RERG: variants seen among roughly 807,000 people sequenced by gnomAD.
RERG encodes ras-related and estrogen-regulated growth inhibitor.
Under a neutral mutation model 23.2 loss-of-function variants are expected in RERG, and 25 were observed. The observed-to-expected ratio is 1.08, with a 90% CI of 0.79 to 1.50. RERG has a LOEUF of 1.50. Among genes scored for constraint, RERG ranks in the 40% most tolerant of loss-of-function variants. The probability of loss-of-function intolerance (pLI) is 0.00; values close to 1 mark genes in which losing one functional copy is unlikely to be tolerated. For missense variants in RERG, 253 were observed against 250.1 expected (o/e 1.01, Z -0.08); for synonymous variants, 81 against 89.1 (o/e 0.91, Z 0.51).
intron 2 of RERG, among the ~76,000 whole-genome samples, chr12:15,201,261 T>C (rs1426095030): frequency 6.6e-6 from 1 of 151,814 alleles, no homozygotes; most frequent in Non-Finnish European, 1.5e-5. Flanking sequence ...TTGTCGAGTG[T>C]CTACAATGTA....
intron 2 of RERG, among the ~76,000 whole-genome samples, chr12:15,200,834 A>G (rs1315679249): frequency 6.6e-6 from 1 of 151,946 alleles, no homozygotes; most frequent in African/African-American, 2.4e-5. Context: ...TTCTGGGGCT[A>G]TGCCAGGTCA....
At position 15,194,509 on chromosome 12, in the gene RERG, T is replaced by TAA. The variant is rs11450804; in HGVS notation, c.61+22918_61+22919dup. ...AGAGGAAGAAGGAGCCCGATCTCCCTAAAAAAAAAAAGCTTGGTGTTCAAT... is the reference window on the plus strand; with the variant it reads ...AGAGGAAGAAGGAGCCCGATCTCCCTAAAAAAAAAAAAAGCTTGGTGTTCAAT... On this transcript the variant is annotated intron_variant, in intron 2 of 4. Coordinates refer to ENST00000256953, the MANE Select transcript of RERG (RefSeq NM_032918.3). 2.4e-3 allele frequency among the ~76,000 whole-genome samples: 358 copies of TAA among 146,732 alleles called. 1 individual carries two copies. The highest frequency in any genetic ancestry group is 5.5e-3 in the African/African-American group (221 of 40,158).
intron 2 of RERG, among the ~76,000 whole-genome samples, chr12:15,200,418 C>T (rs1227765794): frequency 1.3e-5 from 2 of 152,030 alleles, no homozygotes; most frequent in East Asian, 3.8e-4. Context: ...AGAATGAAAA[C>T]ATAGCAACCA....
intron 2 of RERG, among the ~76,000 whole-genome samples, chr12:15,153,299 C>T (rs747777653): frequency 1.3e-5 from 2 of 152,122 alleles, no homozygotes; most frequent in African/African-American, 2.4e-5. Flanking sequence ...TTTTAGAGAA[C>T]ACAGCTAACC....
chr12:15,212,443 T>C (rs1865381482), intron 2 of RERG, among the ~76,000 whole-genome samples: 1 of 152,184 alleles, frequency 6.6e-6, no homozygotes, highest in African/African-American at 2.4e-5. Context: ...TAAGCAAACA[T>C]AGATATATTA....
At chr12:15,162,282 C>T (rs958195872) in intron 2 of RERG, among the ~76,000 whole-genome samples, 1 of 152,102 alleles carries the variant, frequency 6.6e-6, no homozygotes, top group Non-Finnish European at 1.5e-5. Context: ...CCAAGGACTG[C>T]CTCCAGGAGA....
intron 2 of RERG, chr12:15,217,228 C>T: frequency 1.9e-6 from 1 of 539,348 alleles, no homozygotes. Context: ...AGCAAAGCTA[C>T]TTCAGCATAA....
At chr12:15,181,096 T>A (rs944993989) in intron 2 of RERG, among the ~76,000 whole-genome samples, 1 of 152,170 alleles carries the variant, frequency 6.6e-6, no homozygotes, top group African/African-American at 2.4e-5. Flanking sequence ...ACTCTGTTTT[T>A]GGTTCACCTT....
Position 15,217,461 on chromosome 12 carries a change from G to T in RERG, c.29C>A (p.Ala10Glu), listed in dbSNP as rs1187831698. 1.9e-6 allele frequency: 3 copies of T among 1,613,374 alleles called. No individual in the cohort carries two copies. The highest frequency in any genetic ancestry group is 2.5e-6 in the Non-Finnish European group (3 of 1,179,528). The change falls in exon 2 of 5, where the codon GCA (alanine) becomes GAA (glutamate). Residue 10 changes from alanine (A) to glutamate (E), a missense_variant. By Grantham distance (107) the Ala-to-Glu change is moderately radical. Transcript: ENST00000256953. MAKSAEVKL[A>E]IFGRAGVGKS... ...GCCCACGCCTGCTCTCCCAAATATT[G>T]CCAGTTTGACCTCCGCACTTTTAGC...
chr12:15,209,175 G>A (rs918538285), intron 2 of RERG, among the ~76,000 whole-genome samples: 16 of 152,162 alleles, frequency 1.1e-4, no homozygotes, highest in Non-Finnish European at 2.9e-5. Context: ...CAAATGTTAA[G>A]GAACATAAGG....
chr12:15,119,970 G>A (rs1863801860), intron 3 of RERG, among the ~76,000 whole-genome samples: 3 of 152,162 alleles, frequency 2.0e-5, no homozygotes, highest in East Asian at 3.9e-4. Flanking sequence ...TACAATTAAC[G>A]AAAAAGTGTG....
chr12:15,210,532 G>A (rs1428818004), intron 2 of RERG, among the ~76,000 whole-genome samples: 1 of 152,054 alleles, frequency 6.6e-6, no homozygotes, highest in Non-Finnish European at 1.5e-5. Flanking sequence ...AACCTGCAAA[G>A]TACTTAGCCA....
chr12:15,111,486 C>A, intron 3 of RERG, 69 bp from the exon 4 acceptor site: 1 of 1,250,044 alleles, frequency 8.0e-7, no homozygotes, highest in South Asian at 1.2e-5. Context: ...ATCCTTAAAA[C>A]TGAAAATGGG....
intron 2 of RERG, among the ~76,000 whole-genome samples, chr12:15,194,177 G>C (rs541222362): frequency 4.0e-4 from 61 of 152,108 alleles, no homozygotes; most frequent in Non-Finnish European, 7.5e-4. Flanking sequence ...CGCAGCTGGG[G>C]GACATCTATG....
At chr12:15,218,535 G>T (rs1865473331) in intron 1 of RERG, among the ~76,000 whole-genome samples, 1 of 152,102 alleles carries the variant, frequency 6.6e-6, no homozygotes, top group South Asian at 2.1e-4. Flanking sequence ...AGGTATGAAA[G>T]GTGGGCTCAT....
chr12:15,185,937 ATAGAG>A (rs1434916888), intron 2 of RERG, among the ~76,000 whole-genome samples: 5 of 152,178 alleles, frequency 3.3e-5, no homozygotes, highest in African/African-American at 7.2e-5. Context: ...ATGACTACAG[ATAGAG>A]TAGATATTTA....
At chr12:15,151,077 T>C (rs1864433622) in intron 2 of RERG, among the ~76,000 whole-genome samples, 1 of 152,196 alleles carries the variant, frequency 6.6e-6, no homozygotes. Context: ...GTTTCTAAAA[T>C]CTACCCCAGG....
chr12:15,127,974 A>G (rs1210744976), intron 2 of RERG, among the ~76,000 whole-genome samples: 6 of 152,246 alleles, frequency 3.9e-5, no homozygotes, highest in African/African-American at 1.4e-4. Flanking sequence ...TGTCTAATTT[A>G]CAAAGCAGTT....
At chr12:15,132,661 G>C (rs921064255) in intron 2 of RERG, among the ~76,000 whole-genome samples, 1 of 152,124 alleles carries the variant, frequency 6.6e-6, no homozygotes, top group Non-Finnish European at 1.5e-5. Flanking sequence ...CATCAGTAAC[G>C]TGTGAGAGCT....
Sources: gnomAD v4.1 joint callset for allele counts (sites outside exome capture counted in the v4.1 genomes callset) on GRCh38, gnomAD v4.1.1 for gene constraint, MANE v1.5 for transcripts, NCBI Gene and HGNC (gene_info 2026-07-23, HGNC 2026-07-21) for gene names.